RANBP2: variants seen among roughly 807,000 people sequenced by gnomAD.
RANBP2 encodes E3 SUMO-protein ligase RanBP2.
A neutral mutation model predicts 303.6 loss-of-function variants in RANBP2; 57 were observed. The ratio of observed to expected loss-of-function variants is 0.19; its 90% CI spans 0.15 to 0.23. RANBP2 has a LOEUF of 0.23. RANBP2 is among the 10% of genes least tolerant of loss of function. RANBP2 has a pLI of 1.00. For synonymous variants in RANBP2, 1,167 were observed against 1,301.5 expected, an observed-to-expected ratio of 0.90 and a Z score of 2.23; for missense variants, 3,138 against 3,780.8, an observed-to-expected ratio of 0.83 and a Z score of 4.46.
At chr2:109,094,555 C>T in the RANBP2 span, among the ~76,000 whole-genome samples, 6 of 152,134 alleles carry the variant, frequency 3.9e-5, no homozygotes, top group East Asian at 3.9e-4. Context: ...CTGGGCCAGG[C>T]GCAGTGGCTC....
At chr2:109,147,295 C>G in the RANBP2 span, among the ~76,000 whole-genome samples, 1 of 151,868 alleles carries the variant, frequency 6.6e-6, no homozygotes, top group African/African-American at 2.4e-5. Context: ...GTGCTGCTCT[C>G]TCTCTATCAG....
the RANBP2 span, among the ~76,000 whole-genome samples, chr2:108,905,902 C>T: frequency 6.8e-6 from 1 of 146,014 alleles, no homozygotes; most frequent in Non-Finnish European, 1.5e-5. Context: ...ATCGGGGATG[C>T]TCGAGGGCAG....
chr2:109,435,680 G>A, the RANBP2 span, among the ~76,000 whole-genome samples: 5 of 152,344 alleles, frequency 3.3e-5, no homozygotes, highest in East Asian at 5.8e-4. Flanking sequence ...GTCATGAGAG[G>A]CAGATGTGTG....
chr2:109,111,355 A>G, the RANBP2 span, among the ~76,000 whole-genome samples: 5 of 152,208 alleles, frequency 3.3e-5, no homozygotes, highest in African/African-American at 1.2e-4. Context: ...GAATGGTGTT[A>G]TACACCCATT....
At chr2:109,325,331 C>CTT in the RANBP2 span, among the ~76,000 whole-genome samples, 39 of 66,272 alleles carry the variant, frequency 5.9e-4, no homozygotes, top group Non-Finnish European at 7.0e-4. Flanking sequence ...TTCTTTCTTT[C>CTT]TTTTTTTTTT....
chr2:109,462,178 G>T, the RANBP2 span, among the ~76,000 whole-genome samples: 2 of 149,364 alleles, frequency 1.3e-5, no homozygotes, highest in Non-Finnish European at 3.0e-5. Context: ...AATGTCATGG[G>T]CCATCTCGTA....
At chr2:109,064,383 G>A in the RANBP2 span, among the ~76,000 whole-genome samples, 1 of 148,886 alleles carries the variant, frequency 6.7e-6, no homozygotes, top group African/African-American at 2.5e-5. Context: ...ATGAACCCGG[G>A]AGGCGGAGTT....
the RANBP2 span, among the ~76,000 whole-genome samples, chr2:109,216,204 C>G: frequency 2.6e-5 from 4 of 152,202 alleles, no homozygotes; most frequent in Admixed American, 1.3e-4. Context: ...ACCTGCCCAT[C>G]ATTGCATCTA....
At chr2:109,689,915 C>G in the RANBP2 span, among the ~76,000 whole-genome samples, 1 of 152,196 alleles carries the variant, frequency 6.6e-6, no homozygotes, top group African/African-American at 2.4e-5. Flanking sequence ...TTCACTCTCT[C>G]TCCTTACCTA....
chr2:109,430,790 A>G, the RANBP2 span, among the ~76,000 whole-genome samples: 1 of 152,114 alleles, frequency 6.6e-6, no homozygotes, highest in African/African-American at 2.4e-5. Flanking sequence ...GATTTTGTGT[A>G]TCCTCCTGAA....
At chr2:109,689,526 G>C in the RANBP2 span, among the ~76,000 whole-genome samples, 2 of 152,176 alleles carry the variant, frequency 1.3e-5, no homozygotes, top group Admixed American at 1.3e-4. Flanking sequence ...GAAGAGCAGA[G>C]AGGTCAGCAG....
chr2:109,395,019 C>T, the RANBP2 span, among the ~76,000 whole-genome samples: 1 of 152,220 alleles, frequency 6.6e-6, no homozygotes, highest in South Asian at 2.1e-4. Flanking sequence ...GGGATGGCAC[C>T]GGTGCCAAAT....
At chr2:109,135,881 A>C in the RANBP2 span, among the ~76,000 whole-genome samples, 1 of 152,124 alleles carries the variant, frequency 6.6e-6, no homozygotes, top group Admixed American at 6.5e-5. Context: ...AAAGGGAAAA[A>C]ACGTCTAAGC....
the RANBP2 span, among the ~76,000 whole-genome samples, chr2:109,385,143 C>T: frequency 1.1e-4 from 16 of 152,334 alleles, no homozygotes; most frequent in South Asian, 8.3e-4. Context: ...ATCAGACAGT[C>T]GAGCAGAAGC....
the RANBP2 span, among the ~76,000 whole-genome samples, chr2:108,793,183 C>G: frequency 1.3e-5 from 2 of 148,608 alleles, no homozygotes; most frequent in African/African-American, 5.0e-5. Context: ...CGGTGAAACC[C>G]TGTCTCTACT....
chr2:109,449,213 C>T, the RANBP2 span: 7 of 1,613,526 alleles, frequency 4.3e-6, no homozygotes, highest in Admixed American at 6.7e-5. Context: ...CAACTGCCAC[C>T]GTGTCACCCC....
In RANBP2 at chr2:108,719,486, TG is replaced by T; in HGVS notation, c.-119del. On this transcript the variant is annotated 5_prime_UTR_variant, in exon 1 of 29. Coordinates refer to ENST00000283195, the MANE Select transcript of RANBP2 (RefSeq NM_006267.5). ...CGGCTGCGCCGCAAGTTCGTCACAG[TG>T]GTCCTCCGCCGGCTACGGCGCTGCG... 2 of 1,491,650 alleles carry T rather than the reference TG, an allele frequency of 1.3e-6. No individual in the cohort carries two copies. Among genetic ancestry groups the T allele is most frequent in the Non-Finnish European group, 1.8e-6 (2 of 1,106,022 alleles). 92.4% of individuals were successfully genotyped at this position (1,491,650 alleles called of 1,614,324 possible).
At chr2:109,253,215 A>C in the RANBP2 span, among the ~76,000 whole-genome samples, 1 of 151,972 alleles carries the variant, frequency 6.6e-6, no homozygotes, top group Non-Finnish European at 1.5e-5. Context: ...TTTAGTAGAG[A>C]TGGGGTTTCA....
At chr2:109,284,440 C>A in the RANBP2 span, among the ~76,000 whole-genome samples, 1 of 152,096 alleles carries the variant, frequency 6.6e-6, no homozygotes, top group Admixed American at 6.5e-5. Flanking sequence ...TGGTCTAGGG[C>A]GTGTGGACTG....
Sources: gnomAD v4.1 joint callset for allele counts (sites outside exome capture counted in the v4.1 genomes callset) on GRCh38, gnomAD v4.1.1 for gene constraint, MANE v1.5 for transcripts, NCBI Gene and HGNC (gene_info 2026-07-23, HGNC 2026-07-21) for gene names.